Variants in DICER1 observed in about 807,000 individuals in gnomAD.
DICER1 encodes the protein endoribonuclease Dicer.
In DICER1, 43 loss-of-function variants were observed where a neutral mutation model predicts 194.1. That is an observed-to-expected ratio of 0.22 (90% CI 0.17 to 0.29). The LOEUF (loss-of-function observed/expected upper bound fraction) is 0.29, where lower values mean the gene tolerates loss of function less well. Among genes scored for constraint, DICER1 ranks in the 10% least tolerant of loss-of-function variants. DICER1 has a pLI of 1.00. For synonymous variants in DICER1, 832 were observed against 820.5 expected (o/e 1.01, Z -0.24); for missense variants, 1,608 against 2,317.0 (o/e 0.69, Z 6.28).
Position 95,105,773 on chromosome 14 carries a change from A to G in DICER1, c.2998T>C (p.Leu1000=), listed in dbSNP as rs1333089485. The part of the protein sequence containing the change: ...VDHTSSRLNL[L]TPRHLNQKGK... ...TTCTGATTCAAATGTCGAGGTGTCA[A>G]AAGATTAAGTCTGTAAGAATTCCAA... Residue 1000 remains leucine, a synonymous_variant, in exon 19 of 27, where the codon TTG becomes CTG. Transcript: ENST00000343455. This position sits in a 1 kb window ranked among gnomAD's most constrained non-coding sequence, Gnocchi z 4.9. The G allele has an allele frequency of 6.2e-7, 1 of 1,613,886 alleles. No individual in the cohort carries two copies. Among genetic ancestry groups the G allele is most frequent in the South Asian group, 1.1e-5 (1 of 91,078 alleles).
At chr14:95,103,307 G>T in intron 21 of DICER1, 39 bp downstream of exon 21, 1 of 1,598,400 alleles carries the variant, frequency 6.3e-7, no homozygotes, top group South Asian at 1.1e-5. Flanking sequence ...CAGGCACACT[G>T]AATAATTAAC....
intron 14 of DICER1, among the ~76,000 whole-genome samples, chr14:95,110,258 C>A (rs1891835648): frequency 6.6e-6 from 1 of 152,214 alleles, no homozygotes; most frequent in Non-Finnish European, 1.5e-5. Flanking sequence ...TGATTATTCA[C>A]CCACTTATTC....
rs1213754620 is a variant in DICER1, at chr14:95,088,387, T to C, written c.*2111A>G. On this transcript the variant is annotated 3_prime_UTR_variant, in exon 27 of 27. Transcript: ENST00000343455. ...ACTGGGATCAATGTATTAGACACAA[T>C]GCAAAGCCCTAAGCTCCTGGCATCA... is the stretch of plus-strand genomic sequence containing the variant. 1 of 232,472 alleles carries C rather than the reference T, an allele frequency of 4.3e-6. No homozygotes were observed. The highest frequency in any genetic ancestry group is 8.5e-6 in the Non-Finnish European group (1 of 117,400). 14.4% of individuals were successfully genotyped at this position (232,472 alleles called of 1,614,324 possible). A position where few individuals can be genotyped will look rare whatever the true frequency, so the allele number is the denominator to read the frequency against.
At chr14:95,118,144 C>T (rs1212952632) in intron 8 of DICER1, among the ~76,000 whole-genome samples, 3 of 152,080 alleles carry the variant, frequency 2.0e-5, no homozygotes, top group Non-Finnish European at 4.4e-5. Context: ...TCGACTCATC[C>T]CTCTACCAGT....
intron 1 of DICER1, among the ~76,000 whole-genome samples, chr14:95,138,379 A>C (rs1287041570): frequency 1.3e-5 from 2 of 152,044 alleles, no homozygotes; most frequent in Non-Finnish European, 2.9e-5. Flanking sequence ...TTAGGCTCTA[A>C]ATAAAGAGAA....
Position 95,088,798 on chromosome 14 carries a change from G to C in DICER1, c.*1700C>G, listed in dbSNP as rs1268689734. The C allele has an allele frequency of 4.3e-6, 1 of 233,088 alleles. No individual in the cohort carries two copies. Among genetic ancestry groups the C allele is most frequent in the Non-Finnish European group, 8.5e-6 (1 of 117,830 alleles). The allele number at this position is 233,088 out of a possible 1,614,324, so 14.4% of individuals were successfully genotyped here. A position where few individuals can be genotyped will look rare whatever the true frequency, so the allele number is the denominator to read the frequency against. On this transcript the variant is annotated 3_prime_UTR_variant, in exon 27 of 27. Coordinates refer to ENST00000343455, the MANE Select transcript of DICER1 (RefSeq NM_177438.3). ...CACTCGCACAGAGGCATTTCTCTGT[G>C]GGTGGATGATGCAGATAAAGCAGGA...
chr14:95,119,905 G>T (rs905763542), intron 8 of DICER1, among the ~76,000 whole-genome samples: 2 of 152,168 alleles, frequency 1.3e-5, no homozygotes, highest in Non-Finnish European at 1.5e-5. Context: ...CTTAACTCAT[G>T]ACATAGGTAA....
At chr14:95,092,902 C>T (rs1038857520) in intron 24 of DICER1, among the ~76,000 whole-genome samples, 2 of 152,208 alleles carry the variant, frequency 1.3e-5, no homozygotes, top group Admixed American at 6.5e-5. Context: ...CAGCCTGCCA[C>T]GCTCCAGCTC....
At chr14:95,120,221 A>C (rs201843009) in intron 8 of DICER1, among the ~76,000 whole-genome samples, 2 of 152,188 alleles carry the variant, frequency 1.3e-5, no homozygotes, top group East Asian at 1.9e-4. Context: ...AATGTGGAGA[A>C]AACCAGATAT....
chr14:95,146,550 G>A (rs575609628), intron 1 of DICER1, among the ~76,000 whole-genome samples: 131 of 152,256 alleles, frequency 8.6e-4, no homozygotes, highest in African/African-American at 2.9e-3. Context: ...TAAAATTTAC[G>A]TCTGCCTTCC....
rs568488150 is a variant in DICER1 at position 95,105,341 on chromosome 14, T to A, written c.3094-95A>T. 4,141 of 1,132,436 alleles carry A rather than the reference T, an allele frequency of 3.7e-3. 14 individuals carry two copies. The highest frequency in any genetic ancestry group is 4.9e-3 in the Non-Finnish European group (3,701 of 758,970). 70.1% of individuals were successfully genotyped at this position (1,132,436 alleles called of 1,614,324 possible). A position where few individuals can be genotyped will look rare whatever the true frequency, so the allele number is the denominator to read the frequency against. ...TTTCACTAATGGATAAAGAAAATCA[T>A]AAATGCTAGTAAAACTTAATTTTAA... On this transcript the variant is annotated intron_variant, in intron 19 of 26. Coordinates refer to ENST00000343455, the MANE Select transcript of DICER1 (RefSeq NM_177438.3). This position sits in a 1 kb window ranked among gnomAD's most constrained non-coding sequence, Gnocchi z 4.9.
chr14:95,151,858 C>T (rs865925572), intron 1 of DICER1, among the ~76,000 whole-genome samples: 1 of 152,164 alleles, frequency 6.6e-6, no homozygotes, highest in Non-Finnish European at 1.5e-5. Flanking sequence ...CCTGCAATCT[C>T]GAAACATCTC....
At chr14:95,131,701 C>T in intron 3 of DICER1, 62 bp from the exon 4 acceptor site, 1 of 1,406,780 alleles carries the variant, frequency 7.1e-7, no homozygotes, top group Non-Finnish European at 1.0e-6. Flanking sequence ...GCTCTCTGGA[C>T]TACTAATGAT....
intron 4 of DICER1, among the ~76,000 whole-genome samples, chr14:95,130,912 C>A (rs900164634): frequency 1.3e-5 from 2 of 152,154 alleles, no homozygotes; most frequent in African/African-American, 4.8e-5. Context: ...TTTTTGAAAG[C>A]GCATTATCAG....
chr14:95,118,477 T>C (rs575240313), intron 8 of DICER1, among the ~76,000 whole-genome samples: 33 of 152,282 alleles, frequency 2.2e-4, no homozygotes, highest in African/African-American at 6.0e-4. Context: ...CCCTTCCCTG[T>C]CATGAAAGAG....
rs201615540 is a variant in DICER1, at chr14:95,124,210, T to C, written c.1362A>G (p.Ala454=). The C allele has an allele frequency of 1.2e-6, 2 of 1,613,404 alleles. No individual in the cohort carries two copies. The highest frequency in any genetic ancestry group is 1.7e-6 in the Non-Finnish European group (2 of 1,179,722). ...TACAGATTTACCTGTTTAAGACAAC[T>C]GCTGTGTATCTTCTTTCCACAAAAA... ...GIIFVERRYT[A]VVLNRLIKEA... is the part of the protein sequence containing the mutation. Residue 454 remains alanine (A), a synonymous_variant, in exon 8 of 27, where the codon GCA becomes GCG. Coordinates refer to ENST00000343455, the MANE Select transcript of DICER1 (RefSeq NM_177438.3). This position sits in a 1 kb window ranked among gnomAD's most constrained non-coding sequence, Gnocchi z 4.5.
chr14:95,107,973 T>C lies in DICER1; in HGVS notation c.2557A>G (p.Ile853Val), dbSNP rs61729795. 3.9e-4 allele frequency: 632 copies of C among 1,613,666 alleles called. 5 individuals carry two copies. In the African/African-American group the frequency reaches 7.7e-3, roughly 20 times the overall value. ...TCAAGCCGAAGAATATGTGAGAATATATACTGGTGAAGTCTTGTAATCAAC... is the reference window on the plus strand; with the variant it reads ...TCAAGCCGAAGAATATGTGAGAATACATACTGGTGAAGTCTTGTAATCAAC... ...LELITRLHQY[I>V]FSHILRLEKP... The change falls in exon 16 of 27, where the codon ATA (isoleucine) becomes GTA (valine). Residue 853 changes from isoleucine (I) to valine (V), a missense_variant. Around this residue, in one of 10 missense-constraint regions of DICER1, gnomAD observed 150 missense variants for 216.0 expected, o/e 0.69. Coordinates refer to ENST00000343455, the MANE Select transcript of DICER1 (RefSeq NM_177438.3).
chr14:95,111,576 G>T, intron 13 of DICER1, 120 bp from the exon 14 acceptor site: 2 of 1,107,226 alleles, frequency 1.8e-6, no homozygotes, highest in East Asian at 2.4e-5. Context: ...AAGCACCTTT[G>T]CCTTTTACAA....
Position 95,113,106 on chromosome 14 carries a change from G to C in DICER1, c.2026C>G (p.Arg676Gly), listed in dbSNP as rs878855246. 1.2e-6 allele frequency: 2 copies of C among 1,613,722 alleles called. No individual in the cohort carries two copies. Among genetic ancestry groups the C allele is most frequent in the Non-Finnish European group, 1.7e-6 (2 of 1,179,680 alleles). Residue 676 changes from arginine to glycine, a missense_variant, in exon 12 of 27, where the codon CGA becomes GGA. By Grantham distance (125) the Arg-to-Gly change is moderately radical. Transcript: ENST00000343455. ...TLYLPINSPLRASIVGPPMSC... is the reference protein window; with the variant it reads ...TLYLPINSPLGASIVGPPMSC... ...TCTAAACTTACAACAATGGAGGCTC[G>C]AAGAGGTGAGTTAATTGGCAGATAA... is the stretch of plus-strand genomic sequence containing the variant.
Sources: allele counts gnomAD v4.1 joint callset (sites outside exome capture counted in the v4.1 genomes callset), GRCh38; gene constraint gnomAD v4.1.1; regional missense constraint gnomAD v4.1.1; non-coding constraint Gnocchi (gnomAD v3.1); transcripts MANE v1.5; gene names NCBI Gene and HGNC (gene_info 2026-07-23, HGNC 2026-07-21).